Variants in PLXNA4 observed in about 807,000 individuals in gnomAD.
PLXNA4 encodes plexin-A4.
Under a neutral mutation model 191.8 loss-of-function variants are expected in PLXNA4, and 44 were observed. That is an observed-to-expected ratio of 0.23 (90% CI 0.18 to 0.29). The LOEUF (loss-of-function observed/expected upper bound fraction) is 0.29. Ranked by LOEUF, PLXNA4 falls within the 10% of genes least tolerant of loss-of-function variation. PLXNA4 has a pLI of 1.00. For synonymous variants in PLXNA4, 1,082 were observed against 1,009.5 expected (o/e 1.07, Z -1.36); for missense variants, 1,800 against 2,488.8 (o/e 0.72, Z 5.89).
Position 132,164,212 on chromosome 7 carries a change from A to G in PLXNA4, c.4430T>C (p.Ile1477Thr). 3 of 1,614,240 alleles carry G rather than the reference A, an allele frequency of 1.9e-6. No homozygotes were observed. Among genetic ancestry groups the G allele is most frequent in the Non-Finnish European group, 2.5e-6 (3 of 1,180,046 alleles). The change falls in exon 24 of 32, where the codon ATC becomes ACC. Residue 1477 changes from isoleucine to threonine, a missense_variant. Ile to Thr is a moderately conservative substitution (Grantham distance 89, BLOSUM62 -1). Transcript: ENST00000321063. ...CAAGGAGTAGCGGGCCTCGCCCGTGATGGCGTCAATGGGGCCCTTCTCCAT... is the reference window on the plus strand; with the variant it reads ...CAAGGAGTAGCGGGCCTCGCCCGTGGTGGCGTCAATGGGGCCCTTCTCCAT... ...QQMEKGPIDA[I>T]TGEARYSLSE...
chr7:132,375,249 T>C (rs1007041015), intron 3 of PLXNA4, among the ~76,000 whole-genome samples: 1 of 151,868 alleles, frequency 6.6e-6, no homozygotes, highest in Non-Finnish European at 1.5e-5. Context: ...ACATCTTCCA[T>C]GTCATCTTGG....
At chr7:132,636,407 TC>T in intron 2 of PLXNA4, among the ~76,000 whole-genome samples, 1 of 152,294 alleles carries the variant, frequency 6.6e-6, no homozygotes, top group South Asian at 2.1e-4. Flanking sequence ...GTCTGATGTT[TC>T]ATGGGTGGGG....
intron 1 of PLXNA4, among the ~76,000 whole-genome samples, chr7:132,573,852 G>A (rs188594837): frequency 2.5e-3 from 384 of 152,252 alleles, no homozygotes; most frequent in Non-Finnish European, 3.8e-3. Context: ...ACCAGGCAGC[G>A]AGGGTCTGCT....
At chr7:132,630,412 T>C (rs1803471878) in intron 2 of PLXNA4, among the ~76,000 whole-genome samples, 1 of 152,234 alleles carries the variant, frequency 6.6e-6, no homozygotes, top group African/African-American at 2.4e-5. Flanking sequence ...CCAGCAGAGT[T>C]TTCACTTTCT....
chr7:132,484,998 G>GAATC, intron 3 of PLXNA4: 1 of 1,614,082 alleles, frequency 6.2e-7, no homozygotes, highest in Non-Finnish European at 8.5e-7. Flanking sequence ...CCCCCTTGTG[G>GAATC]ACCTGTGCCG....
chr7:132,475,298 C>T (rs1242715000), intron 3 of PLXNA4, among the ~76,000 whole-genome samples: 1 of 152,154 alleles, frequency 6.6e-6, no homozygotes, highest in Admixed American at 6.5e-5. Flanking sequence ...ACATTGATTT[C>T]CCATTTTCAA....
At chr7:132,288,301 G>T (rs73723769) in intron 4 of PLXNA4, among the ~76,000 whole-genome samples, 1 of 152,292 alleles carries the variant, frequency 6.6e-6, no homozygotes, top group African/African-American at 2.4e-5. Flanking sequence ...ACTGACTGTA[G>T]GAAACTAGGG....
Position 132,140,752 on chromosome 7 carries a change from T to A in PLXNA4, c.5285A>T (p.His1762Leu), listed in dbSNP as rs765780731. 1 of 1,613,946 alleles carries A rather than the reference T, an allele frequency of 6.2e-7. No homozygotes were observed. The highest frequency in any genetic ancestry group is 8.5e-7 in the Non-Finnish European group (1 of 1,179,998). ...IKNPQFVFDI[H>L]KNSITDACLS... Reference sequence around the variant, plus strand: ...GCAGGCGTCTGTGATGCTGTTCTTATGGATGTCAAACACAAACTGCGGGTT... The same window carrying A: ...GCAGGCGTCTGTGATGCTGTTCTTAAGGATGTCAAACACAAACTGCGGGTT... Residue 1762 changes from histidine to leucine, a missense_variant, in exon 30 of 32, where the codon CAT (histidine) becomes CTT (leucine). Physicochemically the swap from His to Leu is moderately conservative, Grantham distance 99. Around this residue, in one of 6 missense-constraint regions of PLXNA4, gnomAD observed 101 missense variants for 182.8 expected, o/e 0.55. Coordinates refer to ENST00000321063, the MANE Select transcript of PLXNA4 (RefSeq NM_020911.2).
At chr7:132,519,820 C>T (rs964702941) in intron 1 of PLXNA4, among the ~76,000 whole-genome samples, 2 of 152,252 alleles carry the variant, frequency 1.3e-5, no homozygotes, top group Non-Finnish European at 2.9e-5. Context: ...GGCATCAGGT[C>T]ATTCTAACCA....
intron 3 of PLXNA4, among the ~76,000 whole-genome samples, chr7:132,454,693 T>C (rs1796251533): frequency 6.6e-6 from 1 of 151,942 alleles, no homozygotes; most frequent in Non-Finnish European, 1.5e-5. Context: ...TAATGCAAAC[T>C]GACTGGTGTC....
intron 8 of PLXNA4, among the ~76,000 whole-genome samples, chr7:132,225,521 G>T (rs1444847398): frequency 6.6e-6 from 1 of 152,302 alleles, no homozygotes; most frequent in East Asian, 1.9e-4. Flanking sequence ...CAGAGCCAGA[G>T]CCTCGGCCCT....
At chr7:132,568,504 A>G (rs1458203870) in intron 1 of PLXNA4, among the ~76,000 whole-genome samples, 1 of 152,168 alleles carries the variant, frequency 6.6e-6, no homozygotes, top group Admixed American at 6.5e-5. Context: ...TGTTCTTTGC[A>G]TGGAAACCAT....
chr7:132,208,879 G>A (rs1395050141), intron 10 of PLXNA4, among the ~76,000 whole-genome samples: 2 of 152,186 alleles, frequency 1.3e-5, no homozygotes, highest in East Asian at 1.9e-4. Flanking sequence ...CGGAGACCCT[G>A]TTTGTGCTCT....
chr7:132,359,046 AG>A (rs1332423238), intron 3 of PLXNA4, among the ~76,000 whole-genome samples: 5 of 152,160 alleles, frequency 3.3e-5, no homozygotes, highest in Non-Finnish European at 7.3e-5. Flanking sequence ...TTGACTAGTG[AG>A]GTGGCCCTGA....
intron 3 of PLXNA4, among the ~76,000 whole-genome samples, chr7:132,305,975 C>T (rs1357911038): frequency 6.6e-6 from 1 of 152,106 alleles, no homozygotes; most frequent in East Asian, 1.9e-4. Context: ...GGAAATAGAG[C>T]TGGAACTGTA....
intron 3 of PLXNA4, among the ~76,000 whole-genome samples, chr7:132,396,048 G>T (rs1379534629): frequency 6.6e-6 from 1 of 152,142 alleles, no homozygotes; most frequent in African/African-American, 2.4e-5. Flanking sequence ...GACTTCCTGG[G>T]ACACACAGCT....
chr7:132,430,211 A>C (rs1448844334), intron 3 of PLXNA4, among the ~76,000 whole-genome samples: 1 of 152,182 alleles, frequency 6.6e-6, no homozygotes, highest in Admixed American at 6.5e-5. Flanking sequence ...CTATTCTGGC[A>C]TCATGCCAGA....
At chr7:132,461,272 G>T (rs1796493054) in intron 3 of PLXNA4, among the ~76,000 whole-genome samples, 2 of 152,342 alleles carry the variant, frequency 1.3e-5, no homozygotes, top group African/African-American at 4.8e-5. Flanking sequence ...GAGGGAAGGA[G>T]CTGCCCTCAG....
At chr7:132,562,392 T>C (rs1456489672) in intron 1 of PLXNA4, among the ~76,000 whole-genome samples, 12 of 97,216 alleles carry the variant, frequency 1.2e-4, no homozygotes, top group South Asian at 4.5e-4. Flanking sequence ...TCCTCCTCCT[T>C]CTGCTGCTCC....
Sources: gnomAD v4.1 joint callset for allele counts (sites outside exome capture counted in the v4.1 genomes callset) on GRCh38, gnomAD v4.1.1 for gene constraint, gnomAD v4.1.1 regional missense constraint, MANE v1.5 for transcripts, NCBI Gene and HGNC (gene_info 2026-07-23, HGNC 2026-07-21) for gene names.